IRAG2: variants seen among roughly 807,000 people sequenced by gnomAD.
The protein encoded by IRAG2 is lymphoid restricted membrane protein.
Under a neutral mutation model 69.9 loss-of-function variants are expected in IRAG2, and 45 were observed. The ratio of observed to expected loss-of-function variants is 0.64; its 90% CI spans 0.51 to 0.83. The LOEUF (loss-of-function observed/expected upper bound fraction) is 0.83. Among genes scored for constraint, IRAG2 ranks in the 40% least tolerant of loss-of-function variants. IRAG2 has a pLI of 0.00. For synonymous variants in IRAG2, 193 were observed against 202.4 expected (o/e 0.95, Z 0.40); for missense variants, 520 against 587.0 (o/e 0.89, Z 1.18).
chr12:25,007,168 T>G (rs3896012), intron 2 of IRAG2, among the ~76,000 whole-genome samples: 39,044 of 152,170 alleles, frequency 0.26, 5,524 homozygotes, highest in South Asian at 0.47. Context: ...CTAACCCTGC[T>G]CATTTTCCTC....
intron 16 of IRAG2, among the ~76,000 whole-genome samples, chr12:25,041,626 C>T: frequency 6.6e-6 from 1 of 151,150 alleles, no homozygotes; most frequent in East Asian, 2.0e-4. Flanking sequence ...CTCAGACTCC[C>T]AAGTAGCTGT....
chr12:25,017,913 G>A (rs1439844716), intron 6 of IRAG2, among the ~76,000 whole-genome samples: 1 of 152,026 alleles, frequency 6.6e-6, no homozygotes, highest in African/African-American at 2.4e-5. Context: ...AGCCTATTCT[G>A]GGCATTACAT....
intron 15 of IRAG2, among the ~76,000 whole-genome samples, chr12:25,100,391 A>C (rs1948688748): frequency 1.3e-5 from 2 of 152,170 alleles, no homozygotes; most frequent in African/African-American, 4.8e-5. Flanking sequence ...TCATTCCTAG[A>C]TGTATACCCA....
chr12:25,035,774 C>G (rs1002262699), exon 14 of IRAG2: 2 of 398,838 alleles, frequency 5.0e-6, no homozygotes, highest in Non-Finnish European at 8.8e-6. Context: ...TTCACAGCCA[C>G]GCTTCAGAAG....
intron 15 of IRAG2, among the ~76,000 whole-genome samples, chr12:25,099,529 A>G (rs1168212047): frequency 6.6e-6 from 1 of 152,162 alleles, no homozygotes; most frequent in Non-Finnish European, 1.5e-5. Flanking sequence ...GATTAATGCA[A>G]TAGGTTCCTA....
intron 10 of IRAG2, chr12:25,031,091 A>G: frequency 5.1e-6 from 5 of 983,892 alleles, no homozygotes; most frequent in Non-Finnish European, 6.0e-6. Flanking sequence ...TCCACAGTCC[A>G]AAACAGAGAA....
rs868304567 is a variant in IRAG2, at chr12:25,045,365, A to G, written c.2145-6870A>G. Among the ~76,000 whole-genome samples the G allele has an allele frequency of 9.9e-5, 15 of 152,180 alleles. No individual in the cohort carries two copies. The South Asian group carries it at 2.5e-3, about 25-fold the overall frequency. On this transcript the variant is annotated intron_variant, in intron 16 of 38. Coordinates refer to the IRAG2 transcript ENST00000636465. ...ACTAGAAAAAGAACAACTTAAGCCC[A>G]AAGTTCCTTCCCAAGAGAAAGGAAA...
At chr12:25,011,079 C>T (rs575333680) in intron 2 of IRAG2, among the ~76,000 whole-genome samples, 1 of 152,302 alleles carries the variant, frequency 6.6e-6, no homozygotes, top group East Asian at 1.9e-4. Context: ...CCTCGCAACT[C>T]TGTGTGATAG....
At chr12:25,054,874 A>T (rs1945134057) in intron 1 of IRAG2, among the ~76,000 whole-genome samples, 2 of 152,352 alleles carry the variant, frequency 1.3e-5, no homozygotes, top group Middle Eastern at 3.4e-3. Flanking sequence ...TCTATATAGC[A>T]GATGTTCCAG....
chr12:25,045,072 A>G (rs1944782373), intron 16 of IRAG2, among the ~76,000 whole-genome samples: 1 of 152,126 alleles, frequency 6.6e-6, no homozygotes, highest in Non-Finnish European at 1.5e-5. Context: ...TTCCTACCAT[A>G]ATGGAATAAA....
chr12:25,016,202 A>AC (rs1377887556), intron 5 of IRAG2, among the ~76,000 whole-genome samples: 2 of 151,478 alleles, frequency 1.3e-5, no homozygotes, highest in South Asian at 2.1e-4. Context: ...TCTCAAAAAA[A>AC]AAAAAGAAAA....
chr12:25,103,705 T>C, intron 17 of IRAG2, 132 bp from the exon 18 acceptor site: 1 of 640,434 alleles, frequency 1.6e-6, no homozygotes, highest in East Asian at 2.7e-5. Context: ...AAGAGGATCC[T>C]TTAAGATATG....
At chr12:25,084,587 T>C (rs1310227712) in intron 10 of IRAG2, among the ~76,000 whole-genome samples, 1 of 151,766 alleles carries the variant, frequency 6.6e-6, no homozygotes, top group East Asian at 1.9e-4. Flanking sequence ...TTTTTTCTTC[T>C]CAATATACAA....
At chr12:25,039,392 C>A (rs1470740892) in intron 16 of IRAG2, among the ~76,000 whole-genome samples, 1 of 152,214 alleles carries the variant, frequency 6.6e-6, no homozygotes, top group Non-Finnish European at 1.5e-5. Context: ...GGACACGCAG[C>A]TTCCTTACAC....
intron 16 of IRAG2, among the ~76,000 whole-genome samples, chr12:25,046,463 A>C (rs1324855986): frequency 6.6e-6 from 1 of 152,192 alleles, no homozygotes; most frequent in Non-Finnish European, 1.5e-5. Context: ...TGATTTCACA[A>C]AAAAACCTGT....
At chr12:25,037,296 AT>A (rs569226925) in intron 15 of IRAG2, among the ~76,000 whole-genome samples, 15 of 151,416 alleles carry the variant, frequency 9.9e-5, no homozygotes, top group African/African-American at 2.9e-4. Flanking sequence ...TGCCAATCTA[AT>A]TTTTTTTTGT....
intron 12 of IRAG2, among the ~76,000 whole-genome samples, chr12:25,033,129 G>T (rs1346534762): frequency 6.6e-6 from 1 of 151,928 alleles, no homozygotes; most frequent in Non-Finnish European, 1.5e-5. Context: ...GCTAATTTTT[G>T]TATTTTTAGT....
At position 25,077,317 on chromosome 12, in the gene IRAG2, G is replaced by GAA. The variant is rs370339883; in HGVS notation, c.25-1926_25-1925insAA. On this transcript the variant is annotated intron_variant, in intron 6 of 21. Transcript: ENST00000556887. ...TATATGAAATATATATGATATATAT[G>GAA]ATATATATATGATATATATATGAAA... 7.9e-3 allele frequency among the ~76,000 whole-genome samples: 270 copies of GAA among 34,120 alleles called. 9 individuals are homozygous for GAA. Among genetic ancestry groups the GAA allele is most frequent in the African/African-American group, 0.015 (142 of 9,238 alleles). The allele number at this position is 34,120 out of a possible 152,430, so 22.4% of individuals were successfully genotyped here.
intron 4 of IRAG2, among the ~76,000 whole-genome samples, chr12:25,065,171 T>C (rs1945898639): frequency 6.6e-6 from 1 of 152,084 alleles, no homozygotes; most frequent in African/African-American, 2.4e-5. Flanking sequence ...ATTAACTCAT[T>C]TAATCCTCAA....
Sources: allele counts gnomAD v4.1 joint callset (sites outside exome capture counted in the v4.1 genomes callset), GRCh38; gene constraint gnomAD v4.1.1; transcripts MANE v1.5; gene names NCBI Gene and HGNC (gene_info 2026-07-23, HGNC 2026-07-21).